Variants in WDR37 observed in about 807,000 individuals in gnomAD.
WDR37 encodes WD repeat domain 37.
WDR37 carries 19 observed loss-of-function variants against 62.9 expected under a neutral mutation model. That is an observed-to-expected ratio of 0.30 (90% CI 0.21 to 0.44). WDR37 has a LOEUF of 0.44. Among genes scored for constraint, WDR37 ranks in the 20% least tolerant of loss-of-function variants. The pLI is 1.00. For missense variants in WDR37, 474 were observed against 657.6 expected, an observed-to-expected ratio of 0.72 and a Z score of 3.05; for synonymous variants, 250 against 260.9, an observed-to-expected ratio of 0.96 and a Z score of 0.40.
chr10:1,058,663 C>T (rs942142916), intron 1 of WDR37, among the ~76,000 whole-genome samples: 2 of 152,166 alleles, frequency 1.3e-5, no homozygotes, highest in Non-Finnish European at 2.9e-5. Flanking sequence ...TATTCCATGC[C>T]TTCATTTCGT....
At chr10:1,096,331 G>C in intron 9 of WDR37, 85 bp downstream of exon 9, 2 of 1,450,566 alleles carry the variant, frequency 1.4e-6, no homozygotes, top group Non-Finnish European at 1.9e-6. Flanking sequence ...GTCATGGACG[G>C]AATGTTTGTG....
intron 4 of WDR37, 147 bp downstream of exon 4, chr10:1,080,253 C>A: frequency 1.6e-6 from 2 of 1,265,062 alleles, no homozygotes; most frequent in Non-Finnish European, 2.2e-6. Context: ...GAATAAGGAG[C>A]TCGGTTCTTG....
In WDR37 at chr10:1,093,527, A is replaced by G. The variant is rs772319088; in HGVS notation, c.649+31A>G. The G allele has an allele frequency of 4.5e-6, 7 of 1,556,544 alleles. No individual in the cohort carries two copies. In the South Asian group the frequency reaches 6.8e-5, roughly 15 times the overall value. ...TTGATTTTTTTCTTTATTGAACAAAATGATAGATGGTCTTAAAACAACTAT... is the reference window on the plus strand; with the variant it reads ...TTGATTTTTTTCTTTATTGAACAAAGTGATAGATGGTCTTAAAACAACTAT... On this transcript the variant is annotated intron_variant, in intron 8 of 13. Transcript: ENST00000263150.
intron 13 of WDR37, among the ~76,000 whole-genome samples, 189 bp from the exon 14 acceptor site, chr10:1,129,024 C>T (rs12358762): frequency 4.8e-5 from 7 of 146,222 alleles, no homozygotes; most frequent in African/African-American, 8.1e-5. Flanking sequence ...GGCCCATGCA[C>T]GGTGGTCCAT....
chr10:1,127,083 C>T (rs2131699644), intron 13 of WDR37, among the ~76,000 whole-genome samples: 1 of 152,340 alleles, frequency 6.6e-6, no homozygotes, highest in Non-Finnish European at 1.5e-5. Context: ...TCAATGTGCC[C>T]ATGCGGATTT....
At chr10:1,084,302 A>AT in intron 5 of WDR37, 101 bp from the exon 6 acceptor site, 2 of 1,431,050 alleles carry the variant, frequency 1.4e-6, no homozygotes, top group Non-Finnish European at 1.9e-6. Context: ...CTAGTCAGTG[A>AT]TTTGTGCATT....
chr10:1,066,960 G>A (rs1459624247), intron 1 of WDR37, among the ~76,000 whole-genome samples: 1 of 152,160 alleles, frequency 6.6e-6, no homozygotes, highest in Non-Finnish European at 1.5e-5. Flanking sequence ...CACGAGAACA[G>A]CACGGGAAAG....
In WDR37 at chr10:1,105,280, A is replaced by G. The variant is rs775796303; in HGVS notation, c.1103+13A>G. The stretch of plus-strand genomic sequence containing the variant: ...AGGGACACACGGAGTGAGTTGCGGT[A>G]GTTTAGACATCTGTCCTTAGTCATG... On this transcript the variant is annotated intron_variant, in intron 11 of 13. Coordinates refer to ENST00000263150, the MANE Select transcript of WDR37 (RefSeq NM_014023.4). This position sits in a 1 kb window ranked among gnomAD's most constrained non-coding sequence, Gnocchi z 5.3. 3.7e-6 allele frequency: 6 copies of G among 1,612,518 alleles called. No individual in the cohort carries two copies. The highest frequency in any genetic ancestry group is 2.7e-5 in the African/African-American group (2 of 74,892).
intron 1 of WDR37, 33 bp from the exon 2 acceptor site, chr10:1,072,083 A>G (rs1233798882): frequency 7.1e-6 from 11 of 1,559,296 alleles, no homozygotes; most frequent in South Asian, 1.2e-5. Flanking sequence ...AACTCGCTGT[A>G]TCAGAAACAC....
chr10:1,068,422 A>C (rs1589077753), intron 1 of WDR37, among the ~76,000 whole-genome samples: 1 of 151,130 alleles, frequency 6.6e-6, no homozygotes, highest in Non-Finnish European at 1.5e-5. Context: ...GAGCCACTGC[A>C]CTCCAGCCTG....
intron 1 of WDR37, among the ~76,000 whole-genome samples, chr10:1,068,410 T>C (rs911032051): frequency 6.6e-6 from 1 of 150,472 alleles, no homozygotes; most frequent in Non-Finnish European, 1.5e-5. Flanking sequence ...TGAGCCGAGA[T>C]TGAGCCACTG....
chr10:1,110,036 A>C lies in WDR37; in HGVS notation c.1103+4769A>C, dbSNP rs191836095. Among the ~76,000 whole-genome samples, 1,021 of 152,328 alleles carry C rather than the reference A, an allele frequency of 6.7e-3. 16 individuals are homozygous for C. Among genetic ancestry groups the C allele is most frequent in the African/African-American group, 0.023 (974 of 41,560 alleles). ...AACGTGGACCAGACCTGCCCGGGCC[A>C]TGCTTACTCAGATCGTTTACGCTTT... is the stretch of plus-strand genomic sequence containing the variant. On this transcript the variant is annotated intron_variant, in intron 11 of 13. Coordinates refer to ENST00000263150, the MANE Select transcript of WDR37 (RefSeq NM_014023.4).
rs144163151 is a variant in WDR37, at chr10:1,087,651, G to A, written c.604+1294G>A. ...CTTAAAATACTCAGTCAACAATGCT[G>A]TCATCAGATGTACTGTCATCCATGC... On this transcript the variant is annotated intron_variant, in intron 7 of 13. Transcript: ENST00000263150. Among the ~76,000 whole-genome samples, 1,407 of 152,300 alleles carry A rather than the reference G, an allele frequency of 9.2e-3. 11 individuals are homozygous for A. The highest frequency in any genetic ancestry group is 0.016 in the Admixed American group (241 of 15,292).
intron 1 of WDR37, among the ~76,000 whole-genome samples, chr10:1,063,415 G>A (rs1460550624): frequency 6.6e-6 from 1 of 151,280 alleles, no homozygotes; most frequent in African/African-American, 2.4e-5. Flanking sequence ...GAACTTTTCG[G>A]CGGTAAGTAC....
chr10:1,090,976 G>T (rs1834367006), intron 7 of WDR37, among the ~76,000 whole-genome samples: 1 of 152,218 alleles, frequency 6.6e-6, no homozygotes, highest in Non-Finnish European at 1.5e-5. Flanking sequence ...TATGGAAGGT[G>T]ACCGGGGGTG....
intron 2 of WDR37, among the ~76,000 whole-genome samples, chr10:1,075,961 G>A (rs948475218): frequency 6.6e-6 from 1 of 151,970 alleles, no homozygotes; most frequent in Non-Finnish European, 1.5e-5. Context: ...TGTATTTTTA[G>A]TAGAGACGAA....
At chr10:1,071,479 A>G (rs1252509179) in intron 1 of WDR37, among the ~76,000 whole-genome samples, 20 of 152,242 alleles carry the variant, frequency 1.3e-4, no homozygotes, top group Non-Finnish European at 2.9e-5. Context: ...GAATGAGTAG[A>G]AAATGCCCAA....
intron 13 of WDR37, 139 bp from the exon 14 acceptor site, chr10:1,129,074 C>A: frequency 8.2e-7 from 1 of 1,223,866 alleles, no homozygotes; most frequent in Non-Finnish European, 1.1e-6. Flanking sequence ...CTCGGTGGTC[C>A]ATGGGACTGA....
intron 7 of WDR37, among the ~76,000 whole-genome samples, chr10:1,090,614 G>C (rs1020677864): frequency 6.8e-6 from 1 of 147,972 alleles, no homozygotes; most frequent in African/African-American, 2.4e-5. Context: ...CCCAACAGCA[G>C]ACTCCCCGCT....
Sources: gnomAD v4.1 joint callset for allele counts (sites outside exome capture counted in the v4.1 genomes callset) on GRCh38, gnomAD v4.1.1 for gene constraint, Gnocchi (gnomAD v3.1) non-coding constraint, MANE v1.5 for transcripts, NCBI Gene and HGNC (gene_info 2026-07-23, HGNC 2026-07-21) for gene names.